NAV3: variants seen among roughly 807,000 people sequenced by gnomAD.
NAV3 encodes the protein neuron navigator 3.
Under a neutral mutation model 244.7 loss-of-function variants are expected in NAV3, and 87 were observed. That is an observed-to-expected ratio of 0.36 (90% CI 0.30 to 0.42). The LOEUF (loss-of-function observed/expected upper bound fraction) is 0.42, where lower values mean the gene tolerates loss of function less well. NAV3 is among the 20% of genes least tolerant of loss of function. NAV3 has a pLI of 1.00. For missense variants in NAV3, 2,663 were observed against 2,893.3 expected, an observed-to-expected ratio of 0.92 and a Z score of 1.83; for synonymous variants, 1,126 against 1,042.2, an observed-to-expected ratio of 1.08 and a Z score of -1.55.
At chr12:77,682,896 A>G (rs1874534938) in intron 2 of NAV3, among the ~76,000 whole-genome samples, 1 of 152,024 alleles carries the variant, frequency 6.6e-6, no homozygotes, top group African/African-American at 2.4e-5. Context: ...CTATTTATAT[A>G]ATATATTTTG....
At chr12:77,731,932 T>A (rs1006989280) in intron 2 of NAV3, among the ~76,000 whole-genome samples, 1 of 151,898 alleles carries the variant, frequency 6.6e-6, no homozygotes, top group Non-Finnish European at 1.5e-5. Flanking sequence ...TGTTACTACA[T>A]TTAGCATTGA....
rs2136567317 is a variant in NAV3 at position 78,006,717 on chromosome 12, C to A, written c.1179C>A (p.Ala393=). 6.2e-7 allele frequency: 1 copy of A among 1,613,958 alleles called. No homozygotes were observed. Among genetic ancestry groups the A allele is most frequent in the Non-Finnish European group, 8.5e-7 (1 of 1,180,000 alleles). Residue 393 remains alanine, a synonymous_variant, in exon 8 of 40, where the codon GCC becomes GCA. Coordinates refer to ENST00000397909, the MANE Select transcript of NAV3 (RefSeq NM_001024383.2). ...SMLEKFKLVN[A]RTALRPPQPP... is the part of the protein sequence containing the mutation. ...TTGAGAAATTCAAGCTAGTCAATGC[C>A]CGGACTGCTTTACGCCCCCCGCAGC... is the stretch of plus-strand genomic sequence containing the variant.
At chr12:77,845,763 C>T (rs975960528) in intron 1 of NAV3, among the ~76,000 whole-genome samples, 4 of 151,028 alleles carry the variant, frequency 2.6e-5, no homozygotes, top group African/African-American at 7.3e-5. Context: ...AAGTGATTCT[C>T]CTGCCTCAGC....
chr12:77,900,569 C>T (rs199659848), intron 1 of NAV3, among the ~76,000 whole-genome samples: 3 of 148,964 alleles, frequency 2.0e-5, no homozygotes, highest in African/African-American at 4.9e-5. Context: ...CATGCACACG[C>T]GTATGTGTGT....
chr12:77,797,241 G>A (rs1335048968), intron 2 of NAV3, among the ~76,000 whole-genome samples: 1 of 152,118 alleles, frequency 6.6e-6, no homozygotes, highest in Middle Eastern at 3.2e-3. Context: ...TTAGTAAACT[G>A]AAGCAAAGAG....
chr12:78,205,625 G>C (rs1275732425), intron 39 of NAV3, among the ~76,000 whole-genome samples: 1 of 151,922 alleles, frequency 6.6e-6, no homozygotes, highest in African/African-American at 2.4e-5. Context: ...AAGTCAAATG[G>C]AAGTTATGGT....
Position 78,190,129 on chromosome 12 carries a change from C to G in NAV3, c.6201C>G (p.Asn2067Lys). 6.2e-7 allele frequency: 1 copy of G among 1,612,962 alleles called. No homozygotes were observed. Among genetic ancestry groups the G allele is most frequent in the African/African-American group, 1.3e-5 (1 of 74,944 alleles). ...PSGTGKTYLA[N>K]KLAEYVITKS... Reference sequence around the variant, plus strand: ...GTACTGGAAAGACCTATTTGGCAAACAAACTTGCTGAATATGTAATAACCA... The same window carrying G: ...GTACTGGAAAGACCTATTTGGCAAAGAAACTTGCTGAATATGTAATAACCA... The change falls in exon 34 of 40, where the codon AAC becomes AAG. Residue 2067 changes from asparagine (N) to lysine (K), a missense_variant. This residue lies in a region of NAV3 where 543 missense variants were observed against 672.4 expected (regional missense o/e 0.81). Transcript: ENST00000397909.
At chr12:77,684,947 C>G (rs1447380603) in intron 2 of NAV3, among the ~76,000 whole-genome samples, 1 of 152,084 alleles carries the variant, frequency 6.6e-6, no homozygotes, top group African/African-American at 2.4e-5. Context: ...TTGCTGACAC[C>G]TTCGTCAGAA....
At chr12:78,162,563 TA>T (rs1299795378) in intron 23 of NAV3, among the ~76,000 whole-genome samples, 1 of 151,608 alleles carries the variant, frequency 6.6e-6, no homozygotes, top group Admixed American at 6.6e-5. Flanking sequence ...CAGATGATAA[TA>T]AAAATATAAT....
At chr12:77,752,401 C>G (rs1178008772) in intron 2 of NAV3, among the ~76,000 whole-genome samples, 1 of 152,112 alleles carries the variant, frequency 6.6e-6, no homozygotes, top group Non-Finnish European at 1.5e-5. Flanking sequence ...CCCACGAGTT[C>G]AGGGTTGGCA....
chr12:78,122,204 T>C lies in NAV3; in HGVS notation c.4014T>C (p.Ser1338=), dbSNP rs2138694027. Residue 1338 remains serine, a synonymous_variant, in exon 16 of 40, where the codon TCT becomes TCC. Transcript: ENST00000397909. ...SLASSPASVH[S]FTSGGLVWAA... is the part of the protein sequence containing the mutation. ...CCTCCAGCCCAGCATCGGTTCACTC[T>C]TTCACATCAGGTGGTCTCGTGTGGG... 4 of 1,614,176 alleles carry C rather than the reference T, an allele frequency of 2.5e-6. No individual in the cohort carries two copies. Among genetic ancestry groups the C allele is most frequent in the Non-Finnish European group, 3.4e-6 (4 of 1,180,022 alleles).
intron 23 of NAV3, among the ~76,000 whole-genome samples, chr12:78,162,257 T>C (rs1287945784): frequency 6.6e-6 from 1 of 152,138 alleles, no homozygotes; most frequent in East Asian, 1.9e-4. Context: ...GAGAAAAGGC[T>C]TGTGAAGTAT....
At chr12:78,037,223 G>T (rs981480890) in intron 9 of NAV3, 1 of 703,000 alleles carries the variant, frequency 1.4e-6, no homozygotes, top group Non-Finnish European at 2.6e-6. Flanking sequence ...AAGATAGTAG[G>T]TCTGAAGATG....
chr12:77,930,857 A>G (rs1888713198), intron 1 of NAV3, among the ~76,000 whole-genome samples: 2 of 152,220 alleles, frequency 1.3e-5, no homozygotes, highest in Non-Finnish European at 1.5e-5. Context: ...CCAGAATTTC[A>G]TAGGAATTTC....
At chr12:78,191,414 A>C (rs1354443419) in intron 34 of NAV3, among the ~76,000 whole-genome samples, 1 of 152,120 alleles carries the variant, frequency 6.6e-6, no homozygotes, top group Non-Finnish European at 1.5e-5. Context: ...TCACAAGCAT[A>C]CACACACATA....
intron 1 of NAV3, among the ~76,000 whole-genome samples, chr12:77,909,842 A>T (rs997500547): frequency 2.6e-5 from 4 of 152,132 alleles, no homozygotes; most frequent in Non-Finnish European, 5.9e-5. Context: ...AATTTACTTT[A>T]GACACACAAA....
At chr12:77,662,718 T>C (rs1873522102) in intron 2 of NAV3, among the ~76,000 whole-genome samples, 1 of 152,174 alleles carries the variant, frequency 6.6e-6, no homozygotes, top group East Asian at 1.9e-4. Context: ...GATGATTATA[T>C]ATTTACATTT....
At chr12:77,885,276 T>G (rs541818174) in intron 1 of NAV3, among the ~76,000 whole-genome samples, 1 of 152,254 alleles carries the variant, frequency 6.6e-6, no homozygotes, top group African/African-American at 2.4e-5. Context: ...GGAAACACTC[T>G]TAAAATGTAA....
chr12:78,200,894 T>A (rs996740267), intron 38 of NAV3, among the ~76,000 whole-genome samples: 2 of 151,958 alleles, frequency 1.3e-5, no homozygotes, highest in Non-Finnish European at 2.9e-5. Context: ...CAGTTCTACA[T>A]CTTATGACAC....
Sources: allele counts gnomAD v4.1 joint callset (sites outside exome capture counted in the v4.1 genomes callset), GRCh38; gene constraint gnomAD v4.1.1; regional missense constraint gnomAD v4.1.1; transcripts MANE v1.5; gene names NCBI Gene and HGNC (gene_info 2026-07-23, HGNC 2026-07-21).